ANO1: variants seen among roughly 807,000 people sequenced by gnomAD.
The protein encoded by ANO1 is anoctamin 1.
In ANO1, 59 loss-of-function variants were observed where a neutral mutation model predicts 124.0. The observed-to-expected ratio is 0.48, with a 90% confidence interval of 0.39 to 0.59. The LOEUF (loss-of-function observed/expected upper bound fraction) is 0.59, where lower values mean the gene tolerates loss of function less well. Among genes scored for constraint, ANO1 ranks in the 20% least tolerant of loss-of-function variants. The pLI is 0.00. For synonymous variants in ANO1, 529 were observed against 532.0 expected, an observed-to-expected ratio of 0.99 and a Z score of 0.08; for missense variants, 1,059 against 1,328.0, an observed-to-expected ratio of 0.80 and a Z score of 3.15.
chr11:70,059,348 C>CAAAAAAAAA (rs1192273449), intron 1 of ANO1, among the ~76,000 whole-genome samples: 1 of 75,102 alleles, frequency 1.3e-5, no homozygotes, highest in Non-Finnish European at 2.4e-5. Context: ...GAGACACTGT[C>CAAAAAAAAA]AAAAAAAAAA....
intron 22 of ANO1, among the ~76,000 whole-genome samples, chr11:70,174,898 G>T (rs1366480305): frequency 6.9e-6 from 1 of 144,864 alleles, no homozygotes; most frequent in Non-Finnish European, 1.5e-5. Context: ...ATTCCAGCAG[G>T]TACAGCTAAA....
intron 24 of ANO1, among the ~76,000 whole-genome samples, chr11:70,183,615 G>T (rs1226414985): frequency 3.3e-5 from 5 of 152,208 alleles, no homozygotes; most frequent in Non-Finnish European, 7.3e-5. Flanking sequence ...ACGAGCTGGT[G>T]CGTGTGGCTT....
intron 1 of ANO1, among the ~76,000 whole-genome samples, chr11:70,031,782 C>T (rs534386332): frequency 2.5e-4 from 38 of 152,302 alleles, no homozygotes; most frequent in Non-Finnish European, 4.9e-4. Context: ...CTGGCCAGGC[C>T]GCCAGCCGAC....
At chr11:70,036,196 T>C (rs1555004383) in intron 1 of ANO1, among the ~76,000 whole-genome samples, 1 of 152,106 alleles carries the variant, frequency 6.6e-6, no homozygotes, top group African/African-American at 2.4e-5. Context: ...GTAGAATCCT[T>C]CCTTGCCCCG....
intron 1 of ANO1, among the ~76,000 whole-genome samples, chr11:70,035,664 T>C (rs1857082216): frequency 6.6e-6 from 1 of 152,092 alleles, no homozygotes; most frequent in African/African-American, 2.4e-5. Context: ...ATTAGGTATT[T>C]GTCCTAATGC....
chr11:70,018,161 T>C (rs1255536561), intron 1 of ANO1: 1 of 151,964 alleles, frequency 6.6e-6, no homozygotes, highest in Non-Finnish European at 1.5e-5. Context: ...AAGAGATCAG[T>C]CTGGGCAACA....
intron 1 of ANO1, among the ~76,000 whole-genome samples, chr11:70,010,788 C>T (rs57327190): frequency 0.13 from 19,961 of 152,202 alleles, 1,486 homozygotes; most frequent in Admixed American, 0.2. Flanking sequence ...TGGAGAGGGG[C>T]ACAGCCCATC....
upstream of ANO1, among the ~76,000 whole-genome samples, chr11:69,982,405 C>T (rs370819609): frequency 3.3e-5 from 5 of 152,208 alleles, no homozygotes; most frequent in African/African-American, 9.6e-5. Flanking sequence ...ACCCACTCTC[C>T]GGTTGCCCCA....
intron 24 of ANO1, among the ~76,000 whole-genome samples, chr11:70,184,723 T>C (rs2049044796): frequency 1.3e-5 from 2 of 152,278 alleles, no homozygotes; most frequent in South Asian, 4.1e-4. Context: ...TTCAGGGTAT[T>C]GTTTTGCTGT....
At chr11:70,019,237 A>ACC (rs200316253) in intron 1 of ANO1, among the ~76,000 whole-genome samples, 713 of 68,730 alleles carry the variant, frequency 0.01, 25 homozygotes, top group African/African-American at 0.032. Context: ...GGAAAGAAGA[A>ACC]CCCCCCCACA....
chr11:70,126,775 C>G (rs1278857835), intron 10 of ANO1, among the ~76,000 whole-genome samples: 1 of 129,034 alleles, frequency 7.7e-6, no homozygotes, highest in Non-Finnish European at 1.6e-5. Context: ...TGCAGGCTGG[C>G]ACTTGCGGGA....
At chr11:70,173,337 G>A (rs2048547195) in intron 22 of ANO1, among the ~76,000 whole-genome samples, 1 of 152,114 alleles carries the variant, frequency 6.6e-6, no homozygotes, top group South Asian at 2.1e-4. Flanking sequence ...GGACACTTTT[G>A]CTTCCCTACA....
intron 1 of ANO1, among the ~76,000 whole-genome samples, chr11:70,031,952 C>A (rs191484090): frequency 6.6e-6 from 1 of 152,154 alleles, no homozygotes; most frequent in African/African-American, 2.4e-5. Context: ...GGCACCCAAC[C>A]CCCCCTCCTC....
At chr11:70,136,890 C>T (rs1226979201) in intron 11 of ANO1, among the ~76,000 whole-genome samples, 2 of 147,538 alleles carry the variant, frequency 1.4e-5, no homozygotes, top group Non-Finnish European at 3.0e-5. Context: ...GCCGTGGGTC[C>T]GTAGCTTGGT....
intron 16 of ANO1, among the ~76,000 whole-genome samples, chr11:70,159,580 G>GC (rs2047963202): frequency 6.6e-6 from 1 of 152,224 alleles, no homozygotes; most frequent in Non-Finnish European, 1.5e-5. Flanking sequence ...CCTAGGATGT[G>GC]CCCCACACGC....
chr11:70,131,620 G>T (rs766081152), intron 10 of ANO1, among the ~76,000 whole-genome samples: 1 of 152,188 alleles, frequency 6.6e-6, no homozygotes, highest in Admixed American at 6.5e-5. Flanking sequence ...GAGTCACCAC[G>T]CCCGTCCCAT....
chr11:70,007,467 G>A (rs1342533037), intron 1 of ANO1, among the ~76,000 whole-genome samples: 3 of 151,850 alleles, frequency 2.0e-5, no homozygotes, highest in Admixed American at 6.6e-5. Context: ...TATTAGAGAC[G>A]GGGTTTCACC....
rs977172907 is a variant in ANO1, at chr11:70,136,920, GGTGA to G, written c.1258+4843_1258+4846del. 2.0e-5 allele frequency among the ~76,000 whole-genome samples: 3 copies of G among 147,546 alleles called. 1 individual carries two copies. The highest frequency in any genetic ancestry group is 4.5e-5 in the Non-Finnish European group (3 of 66,212). On this transcript the variant is annotated intron_variant, in intron 11 of 25. Coordinates refer to ENST00000355303, the MANE Select transcript of ANO1 (RefSeq NM_018043.7). ...CTTGGTGTAGGGCGTGAGTTCCAGT[GGTGA>G]GCAGTGAGACACGCTGAGCTGGGCT...
intron 16 of ANO1, 54 bp from the exon 17 acceptor site, chr11:70,161,107 C>G: frequency 6.6e-7 from 1 of 1,523,498 alleles, no homozygotes; most frequent in East Asian, 2.3e-5. Flanking sequence ...TGGGGCAGGC[C>G]CAGGAAGGTC....
Sources: gnomAD v4.1 joint callset for allele counts (sites outside exome capture counted in the v4.1 genomes callset) on GRCh38, gnomAD v4.1.1 for gene constraint, MANE v1.5 for transcripts, NCBI Gene and HGNC (gene_info 2026-07-23, HGNC 2026-07-21) for gene names.